Variants in ZNF808 observed in about 807,000 individuals in gnomAD.
The protein encoded by ZNF808 is zinc finger protein 808.
ZNF808 carries 5 observed loss-of-function variants against 8.7 expected under a neutral mutation model. The ratio of observed to expected loss-of-function variants is 0.58; its 90% confidence interval spans 0.30 to 1.21. The LOEUF is 1.21. Among genes scored for constraint, ZNF808 ranks in the 50% most tolerant of loss-of-function variants. The pLI, the probability that ZNF808 is intolerant of heterozygous loss-of-function variation, is 0.07. For missense variants in ZNF808, 1,103 were observed against 1,098.4 expected (o/e 1.00, Z -0.06); for synonymous variants, 380 against 366.0 (o/e 1.04, Z -0.44).
chr19:52,528,349 C>G (rs1354164322), intron 1 of ZNF808, among the ~76,000 whole-genome samples: 1 of 152,200 alleles, frequency 6.6e-6, no homozygotes, highest in Non-Finnish European at 1.5e-5. Context: ...GCGTCTTACT[C>G]CAAACCCTCC....
intron 1 of ZNF808, among the ~76,000 whole-genome samples, chr19:52,528,579 G>C (rs778083449): frequency 7.2e-5 from 11 of 152,172 alleles, no homozygotes; most frequent in Non-Finnish European, 1.0e-4. Flanking sequence ...TGTACACAGA[G>C]ATGAAGGACG....
chr19:52,528,408 C>A (rs555515709), intron 1 of ZNF808, among the ~76,000 whole-genome samples: 4 of 152,182 alleles, frequency 2.6e-5, no homozygotes, highest in Admixed American at 2.0e-4. Flanking sequence ...CAGTAGAAAA[C>A]CTGAGACAGA....
intron 1 of ZNF808, among the ~76,000 whole-genome samples, chr19:52,530,147 G>A (rs1408943336): frequency 6.6e-6 from 1 of 151,738 alleles, no homozygotes; most frequent in African/African-American, 2.4e-5. Flanking sequence ...CACAACCTCC[G>A]CTCCCTGGCT....
intron 3 of ZNF808, 114 bp downstream of exon 3, chr19:52,543,461 C>G: frequency 1.4e-6 from 2 of 1,463,036 alleles, no homozygotes; most frequent in South Asian, 1.4e-5. Flanking sequence ...GAGTCTGAAG[C>G]ATTTTGCCTG....
chr19:52,566,516 CTT>C (rs1343350001), downstream of ZNF808, among the ~76,000 whole-genome samples: 17 of 152,242 alleles, frequency 1.1e-4, no homozygotes, highest in Admixed American at 9.8e-4. Flanking sequence ...TTCTATATAA[CTT>C]TAGCTAATTT....
rs2608526 is a variant in ZNF808, at chr19:52,538,421, C to A, written c.-19-4845C>A. ...GCAATGGCACAATCTTGGCTAATGA[C>A]TCTCTGTGCCTTTAGAGTTGAAGCG... On this transcript the variant is annotated intron_variant, in intron 2 of 4. Coordinates refer to ENST00000359798, the MANE Select transcript of ZNF808 (RefSeq NM_001039886.4). Among the ~76,000 whole-genome samples the A allele has an allele frequency of 2.7e-5, 4 of 150,336 alleles. No homozygotes were observed. The Admixed American group carries it at 2.7e-4, about 10-fold the overall frequency.
At chr19:52,565,457 A>G (rs1020602126), downstream of ZNF808, among the ~76,000 whole-genome samples, 6 of 151,944 alleles carry the variant, frequency 3.9e-5, no homozygotes, top group Admixed American at 3.3e-4. Context: ...AAATCTACAT[A>G]CTCCACTCAC....
chr19:52,529,972 G>A (rs774094645), intron 1 of ZNF808, among the ~76,000 whole-genome samples: 33 of 151,490 alleles, frequency 2.2e-4, no homozygotes, highest in Non-Finnish European at 3.5e-4. Flanking sequence ...CAAAACCCTG[G>A]GGTCAAAGGG....
At chr19:52,558,928 C>T (rs767077277), downstream of ZNF808, among the ~76,000 whole-genome samples, 14 of 152,160 alleles carry the variant, frequency 9.2e-5, no homozygotes, top group Non-Finnish European at 1.8e-4. Flanking sequence ...TAGAAGACAG[C>T]GTGCTTGTTA....
At chr19:52,543,185 C>T (rs1259627912) in intron 2 of ZNF808, 81 bp from the exon 3 acceptor site, 2 of 1,441,036 alleles carry the variant, frequency 1.4e-6, no homozygotes, top group Middle Eastern at 3.6e-4. Context: ...TACAGGGTGA[C>T]ATCTCCCGGT....
At chr19:52,563,511 T>A (rs955856168) in exon 4 of ZNF808, 1 of 152,542 alleles carries the variant, frequency 6.6e-6, no homozygotes. Flanking sequence ...CCAGCATGGT[T>A]GACAGAGCAA....
At chr19:52,563,257 G>T (rs2059863517) in intron 3 of ZNF808, 1 of 151,996 alleles carries the variant, frequency 6.6e-6, no homozygotes, top group African/African-American at 2.4e-5. Context: ...TTATTATTTC[G>T]TTGCTAGTCT....
At chr19:52,530,444 A>T (rs1275949249) in intron 1 of ZNF808, among the ~76,000 whole-genome samples, 2 of 151,016 alleles carry the variant, frequency 1.3e-5, no homozygotes, top group African/African-American at 4.9e-5. Context: ...TGGGTGGATC[A>T]TGAGGTCAGG....
chr19:52,552,280 G>A (rs1201298181), intron 4 of ZNF808, among the ~76,000 whole-genome samples: 4 of 151,988 alleles, frequency 2.6e-5, no homozygotes, highest in Non-Finnish European at 1.5e-5. Context: ...GCCTCCCAAA[G>A]TGCTGGGATT....
intron 4 of ZNF808, among the ~76,000 whole-genome samples, chr19:52,550,713 G>T (rs1010035696): frequency 4.6e-5 from 7 of 152,100 alleles, no homozygotes; most frequent in African/African-American, 1.7e-4. Flanking sequence ...GAGAGATGGG[G>T]TTTCTCCATA....
chr19:52,539,076 A>G (rs1334246385), intron 2 of ZNF808, among the ~76,000 whole-genome samples: 1 of 152,024 alleles, frequency 6.6e-6, no homozygotes, highest in Admixed American at 6.6e-5. Context: ...AAGTAGGGTA[A>G]GAAGTGACTG....
At chr19:52,566,253 C>T (rs2059872816), downstream of ZNF808, among the ~76,000 whole-genome samples, 1 of 151,990 alleles carries the variant, frequency 6.6e-6, no homozygotes, top group Non-Finnish European at 1.5e-5. Flanking sequence ...GAAACCTCTG[C>T]CTCCCAGGTA....
downstream of ZNF808, among the ~76,000 whole-genome samples, chr19:52,561,253 T>G (rs1159478410): frequency 6.7e-6 from 1 of 148,292 alleles, no homozygotes; most frequent in Non-Finnish European, 1.5e-5. Context: ...CTTTTTTTAT[T>G]ATACTTTAAG....
Position 52,555,966 on chromosome 19 carries a change from C to T in ZNF808, c.*338C>T, listed in dbSNP as rs536846254. 2 of 638,306 alleles carry T rather than the reference C, an allele frequency of 3.1e-6. No homozygotes were observed. The highest frequency in any genetic ancestry group is 3.6e-5 in the African/African-American group (2 of 55,586). 39.5% of individuals were successfully genotyped at this position (638,306 alleles called of 1,614,324 possible). A position where few individuals can be genotyped will look rare whatever the true frequency, so the allele number is the denominator to read the frequency against. On this transcript the variant is annotated 3_prime_UTR_variant, in exon 5 of 5. Transcript: ENST00000359798. ...TACTGGACAGAAATCTTGCAAATGT[C>T]ATCAGTGTGGCAAGGTCTTCAGTCC... is the stretch of plus-strand genomic sequence containing the variant.
Sources: allele counts gnomAD v4.1 joint callset (sites outside exome capture counted in the v4.1 genomes callset), GRCh38; gene constraint gnomAD v4.1.1; transcripts MANE v1.5; gene names NCBI Gene and HGNC (gene_info 2026-07-23, HGNC 2026-07-21).